MED1: variants seen among roughly 807,000 people sequenced by gnomAD.
MED1 encodes mediator complex subunit 1.
MED1 carries 17 observed loss-of-function variants against 121.3 expected under a neutral mutation model. The observed-to-expected ratio is 0.14, with a 90% CI of 0.10 to 0.21. MED1 has a LOEUF of 0.21. MED1 is among the 10% of genes least tolerant of loss of function. MED1 has a pLI of 1.00. For missense variants in MED1, 1,558 were observed against 1,919.4 expected, an observed-to-expected ratio of 0.81 and a Z score of 3.52; for synonymous variants, 661 against 694.4, an observed-to-expected ratio of 0.95 and a Z score of 0.76.
rs773363030 is a variant in MED1, at chr17:39,447,855, T to C, written c.75A>G (p.Ala25=). 15 of 1,613,840 alleles carry C rather than the reference T, an allele frequency of 9.3e-6. No individual in the cohort carries two copies. The highest frequency in any genetic ancestry group is 1.3e-5 in the Non-Finnish European group (15 of 1,179,904). ...TCCAGGGTCTATTTTGGTTAAATTT[T>C]GCATGGAGCCGTTCCAGGAGAGAAC... is the stretch of plus-strand genomic sequence containing the variant. ...KMSSLLERLH[A]KFNQNRPWSE... Residue 25 remains alanine (A), a synonymous_variant, in exon 2 of 17, where the codon GCA becomes GCG. Transcript: ENST00000300651.
chr17:39,438,290 C>G (rs375890209), intron 6 of MED1, among the ~76,000 whole-genome samples: 2 of 151,004 alleles, frequency 1.3e-5, no homozygotes, highest in East Asian at 1.9e-4. Flanking sequence ...TCTGCCTCAG[C>G]CTCCCGAGTA....
Position 39,410,210 on chromosome 17 carries a change from A to T in MED1, c.2011T>A (p.Ser671Thr). Residue 671 changes from serine (S) to threonine (T), a missense_variant, in exon 17 of 17, where the codon TCC becomes ACC. Ser to Thr is a moderately conservative substitution (Grantham distance 58, BLOSUM62 1). Around this residue, in one of 5 missense-constraint regions of MED1, gnomAD observed 793 missense variants for 898.2 expected, o/e 0.88. Coordinates refer to ENST00000300651, the MANE Select transcript of MED1 (RefSeq NM_004774.4). ...TCCATGCGGGGTGAGCCGGAAGAGG[A>T]GTTCTGCCTTTCTAAAGGGCTGCTT... ...YGSSPLERQN[S>T]SSGSPRMEIC... The T allele has an allele frequency of 6.2e-7, 1 of 1,613,566 alleles. No individual in the cohort carries two copies. Among genetic ancestry groups the T allele is most frequent in the South Asian group, 1.1e-5 (1 of 91,050 alleles).
intron 7 of MED1, 42 bp downstream of exon 7, chr17:39,434,207 C>T (rs763580906): frequency 3.6e-6 from 5 of 1,383,438 alleles, no homozygotes; most frequent in Admixed American, 4.6e-5. Flanking sequence ...TAGATTTATA[C>T]TGATTTTTAC....
chr17:39,425,532 G>C (rs904589839), intron 10 of MED1, among the ~76,000 whole-genome samples: 2 of 152,136 alleles, frequency 1.3e-5, no homozygotes, highest in African/African-American at 4.8e-5. Flanking sequence ...GGCCAGGTGT[G>C]ATGGCTCATG....
intron 9 of MED1, among the ~76,000 whole-genome samples, chr17:39,429,434 G>A (rs952425447): frequency 3.3e-5 from 5 of 151,980 alleles, no homozygotes; most frequent in Non-Finnish European, 7.4e-5. Flanking sequence ...AGTGGCTCAC[G>A]CCTATAATCC....
chr17:39,449,955 C>T (rs554096087), intron 1 of MED1, among the ~76,000 whole-genome samples: 12 of 26,246 alleles, frequency 4.6e-4, no homozygotes, highest in African/African-American at 6.6e-4. Flanking sequence ...GCTGGGATTA[C>T]AGGCATTCAC....
rs2048314378 is a variant in MED1 at position 39,407,559 on chromosome 17, T to C, written c.4662A>G (p.Ala1554=). The C allele has an allele frequency of 1.2e-6, 2 of 1,614,038 alleles. No individual in the cohort carries two copies. Among genetic ancestry groups the C allele is most frequent in the Non-Finnish European group, 1.7e-6 (2 of 1,180,038 alleles). ...LSMTSNTILS[A]DRPSRLSPDF... is the part of the protein sequence containing the mutation. Reference sequence around the variant, plus strand: ...CTGGGCTGAGCCTTGAGGGTCTGTCTGCAGATAAGATTGTGTTACTTGTCA... The same window carrying C: ...CTGGGCTGAGCCTTGAGGGTCTGTCCGCAGATAAGATTGTGTTACTTGTCA... Residue 1554 remains alanine (A), a synonymous_variant, in exon 17 of 17, where the codon GCA becomes GCG. Coordinates refer to ENST00000300651, the MANE Select transcript of MED1 (RefSeq NM_004774.4).
chr17:39,440,398 C>T lies in MED1; in HGVS notation c.387G>A (p.Gly129=). 1 of 1,571,988 alleles carries T rather than the reference C, an allele frequency of 6.4e-7. No individual in the cohort carries two copies. Among genetic ancestry groups the T allele is most frequent in the Non-Finnish European group, 8.6e-7 (1 of 1,166,818 alleles). ...CAACAACACATACCACAGGATTCTC[C>T]CCATGGTGAGCCACTTTTACATCAC... ...QLCDVKVAHH[G]ENPVSCPELV... is the part of the protein sequence containing the mutation. Residue 129 remains glycine (G), a synonymous_variant, in exon 5 of 17, where the codon GGG becomes GGA. Coordinates refer to ENST00000300651, the MANE Select transcript of MED1 (RefSeq NM_004774.4). The surrounding 1 kb of genome is among the most constrained non-coding windows in gnomAD (Gnocchi z 4.1).
chr17:39,405,240 G>A lies in MED1; in HGVS notation c.*2235C>T. 1 of 1,595,162 alleles carries A rather than the reference G, an allele frequency of 6.3e-7. No individual in the cohort carries two copies. Among genetic ancestry groups the A allele is most frequent in the Non-Finnish European group, 8.5e-7 (1 of 1,170,974 alleles). ...AAGCAAGTTCAGATGCTGGGTCAGTGTGGGGGTGAGCCCATCGACAATTCA... is the reference window on the plus strand; with the variant it reads ...AAGCAAGTTCAGATGCTGGGTCAGTATGGGGGTGAGCCCATCGACAATTCA... On this transcript the variant is annotated 3_prime_UTR_variant, in exon 17 of 17. Transcript: ENST00000300651.
chr17:39,446,587 A>T (rs1229725994), intron 2 of MED1, among the ~76,000 whole-genome samples: 1 of 151,876 alleles, frequency 6.6e-6, no homozygotes, highest in Non-Finnish European at 1.5e-5. Flanking sequence ...CATCCTGACC[A>T]ACATGGTGAA....
chr17:39,443,478 T>C, intron 3 of MED1, 72 bp downstream of exon 3: 1 of 1,342,514 alleles, frequency 7.4e-7, no homozygotes, highest in Non-Finnish European at 1.1e-6. Flanking sequence ...TTACTTCTAG[T>C]TTAAGTATAA....
Position 39,410,191 on chromosome 17 carries a change from C to A in MED1, c.2030G>T (p.Arg677Leu), listed in dbSNP as rs746684915. Residue 677 changes from arginine (R) to leucine (L), a missense_variant, in exon 17 of 17, where the codon CGC becomes CTC. This residue lies in a region of MED1 where 793 missense variants were observed against 898.2 expected (regional missense o/e 0.88). Transcript: ENST00000300651. The stretch of plus-strand genomic sequence containing the variant: ...GTTGCTCCCCGAGCATATTTCCATG[C>A]GGGGTGAGCCGGAAGAGGAGTTCTG... ...ERQNSSSGSPRMEICSGSNKT... is the reference protein window; with the variant it reads ...ERQNSSSGSPLMEICSGSNKT... 1 of 1,613,988 alleles carries A rather than the reference C, an allele frequency of 6.2e-7. No homozygotes were observed. Among genetic ancestry groups the A allele is most frequent in the Non-Finnish European group, 8.5e-7 (1 of 1,180,016 alleles).
At chr17:39,436,765 T>C (rs2144759786) in intron 6 of MED1, among the ~76,000 whole-genome samples, 1 of 152,200 alleles carries the variant, frequency 6.6e-6, no homozygotes, top group East Asian at 1.9e-4. Flanking sequence ...GTTCCACACA[T>C]AATTCTTTAT....
chr17:39,445,166 T>A (rs1447425335), intron 2 of MED1, among the ~76,000 whole-genome samples: 2 of 152,142 alleles, frequency 1.3e-5, no homozygotes, highest in African/African-American at 4.8e-5. Context: ...AAACTAAATG[T>A]TTTGTCATAA....
chr17:39,435,327 G>A (rs1345988035), intron 6 of MED1, among the ~76,000 whole-genome samples: 1 of 151,018 alleles, frequency 6.6e-6, no homozygotes, highest in Non-Finnish European at 1.5e-5. Context: ...ATATTGCTAC[G>A]ACCAGATCTA....
At chr17:39,439,072 C>T in intron 6 of MED1, 93 bp downstream of exon 6, 1 of 1,143,336 alleles carries the variant, frequency 8.7e-7, no homozygotes, top group Non-Finnish European at 1.3e-6. Flanking sequence ...AAACTTGTTC[C>T]TGAGGAGAAT....
chr17:39,419,672 G>GT (rs754511622), intron 14 of MED1, 45 bp downstream of exon 14: 6 of 1,542,532 alleles, frequency 3.9e-6, no homozygotes, highest in Middle Eastern at 1.7e-4. Flanking sequence ...CACTGGAGAA[G>GT]TAAGTTTCCA....
At chr17:39,420,431 G>A (rs911391324) in intron 13 of MED1, among the ~76,000 whole-genome samples, 8 of 151,856 alleles carry the variant, frequency 5.3e-5, no homozygotes, top group African/African-American at 1.7e-4. Context: ...TCCATCTCCT[G>A]ACTTCGTGAT....
At chr17:39,427,533 A>C (rs2048525638) in intron 10 of MED1, 168 bp downstream of exon 10, 1 of 542,278 alleles carries the variant, frequency 1.8e-6, no homozygotes, top group African/African-American at 1.9e-5. Context: ...GCATGTGTGT[A>C]TATACATATG....
Sources: gnomAD v4.1 joint callset for allele counts (sites outside exome capture counted in the v4.1 genomes callset) on GRCh38, gnomAD v4.1.1 for gene constraint, gnomAD v4.1.1 regional missense constraint, Gnocchi (gnomAD v3.1) non-coding constraint, MANE v1.5 for transcripts, NCBI Gene and HGNC (gene_info 2026-07-23, HGNC 2026-07-21) for gene names.